Variants in RABGAP1L observed in about 807,000 individuals in gnomAD.
RABGAP1L encodes RAB GTPase activating protein 1 like.
Under a neutral mutation model 137.7 loss-of-function variants are expected in RABGAP1L, and 63 were observed. The observed-to-expected ratio is 0.46, with a 90% CI of 0.37 to 0.56. The LOEUF (loss-of-function observed/expected upper bound fraction) is 0.56, where lower values mean the gene tolerates loss of function less well. Ranked by LOEUF, RABGAP1L falls within the 20% of genes least tolerant of loss-of-function variation. The pLI, the probability that RABGAP1L is intolerant of heterozygous loss-of-function variation, is 0.00. For missense variants in RABGAP1L, 1,095 were observed against 1,244.0 expected (o/e 0.88, Z 1.80); for synonymous variants, 431 against 433.7 (o/e 0.99, Z 0.08).
At chr1:174,534,406 A>G (rs1029844708) in intron 13 of RABGAP1L, among the ~76,000 whole-genome samples, 13 of 152,060 alleles carry the variant, frequency 8.5e-5, no homozygotes, top group Admixed American at 2.6e-4. Context: ...ACATTTTCCT[A>G]TACATATGTA....
intron 13 of RABGAP1L, among the ~76,000 whole-genome samples, chr1:174,595,828 C>T (rs1352052808): frequency 1.1e-5 from 1 of 89,138 alleles, no homozygotes; most frequent in Admixed American, 1.1e-4. Flanking sequence ...GCCCTGCCCC[C>T]AGAGGTGGAG....
chr1:174,886,234 C>T (rs561186093), intron 19 of RABGAP1L, among the ~76,000 whole-genome samples: 22 of 152,078 alleles, frequency 1.4e-4, no homozygotes, highest in African/African-American at 4.8e-4. Context: ...CTGGTCTCGA[C>T]CTCCCGATCT....
chr1:174,943,644 G>T (rs1219686282), intron 19 of RABGAP1L, among the ~76,000 whole-genome samples: 2 of 152,060 alleles, frequency 1.3e-5, no homozygotes, highest in Non-Finnish European at 2.9e-5. Context: ...GACCAGCCTG[G>T]CCAACATGGT....
chr1:174,494,598 C>T (rs1041418555), intron 13 of RABGAP1L, among the ~76,000 whole-genome samples: 1 of 152,072 alleles, frequency 6.6e-6, no homozygotes, highest in African/African-American at 2.4e-5. Flanking sequence ...AATTTATTTT[C>T]TCTGTTTTCA....
intron 3 of RABGAP1L, among the ~76,000 whole-genome samples, chr1:174,226,456 A>G (rs1471054240): frequency 6.6e-6 from 1 of 152,212 alleles, no homozygotes; most frequent in Non-Finnish European, 1.5e-5. Context: ...GAAAGTTTTC[A>G]GGTATAATCT....
intron 13 of RABGAP1L, among the ~76,000 whole-genome samples, chr1:174,436,434 T>C (rs1399691500): frequency 1.5e-4 from 22 of 151,134 alleles, no homozygotes; most frequent in South Asian, 4.2e-4. Flanking sequence ...CATGTGTTTT[T>C]TGGCTGCATA....
chr1:174,344,244 T>C (rs1571311948), intron 11 of RABGAP1L, among the ~76,000 whole-genome samples: 3 of 152,220 alleles, frequency 2.0e-5, no homozygotes, highest in Non-Finnish European at 1.5e-5. Flanking sequence ...GAATGCTCTC[T>C]GTAATGATAA....
chr1:174,200,826 A>C (rs1426577333), intron 1 of RABGAP1L, among the ~76,000 whole-genome samples: 1 of 152,222 alleles, frequency 6.6e-6, no homozygotes, highest in Non-Finnish European at 1.5e-5. Context: ...TTTTGCATTT[A>C]TATAAATAAC....
intron 13 of RABGAP1L, among the ~76,000 whole-genome samples, chr1:174,415,777 G>A: frequency 6.6e-6 from 1 of 151,776 alleles, no homozygotes; most frequent in East Asian, 1.9e-4. Flanking sequence ...TTTAATCGAT[G>A]TTACTGTAGC....
At chr1:174,172,479 A>G (rs779631887) in intron 1 of RABGAP1L, among the ~76,000 whole-genome samples, 3 of 152,138 alleles carry the variant, frequency 2.0e-5, no homozygotes, top group Admixed American at 6.5e-5. Context: ...AACAGTGTAC[A>G]AGGGTTTCCT....
chr1:174,242,461 T>C (rs571277406), intron 5 of RABGAP1L, among the ~76,000 whole-genome samples: 2 of 152,346 alleles, frequency 1.3e-5, no homozygotes, highest in South Asian at 4.1e-4. Flanking sequence ...AAATAAATTA[T>C]CAGCAGAAAA....
intron 5 of RABGAP1L, chr1:174,244,216 A>G (rs192218274): frequency 3.1e-4 from 47 of 152,338 alleles, no homozygotes; most frequent in African/African-American, 1.1e-3. Flanking sequence ...TAGTTCAGGA[A>G]CCAGCTGACA....
chr1:174,733,250 C>T (rs1021581007), intron 17 of RABGAP1L, among the ~76,000 whole-genome samples: 2 of 152,124 alleles, frequency 1.3e-5, no homozygotes, highest in African/African-American at 2.4e-5. Flanking sequence ...ACAGCTGGGA[C>T]CAAGATATGG....
In RABGAP1L at chr1:174,195,574, A is replaced by ATTCTTTCTTTCTTTCTTTCT. The variant is rs201213056; in HGVS notation, c.-33-23525_-33-23506dup. Reference sequence around the variant, plus strand: ...TAACTTTGGGTAGGGTTCTTAATCAATTCTTTCTTTCTTTCTTTCTTTCTT... The same window carrying ATTCTTTCTTTCTTTCTTTCT: ...TAACTTTGGGTAGGGTTCTTAATCAATTCTTTCTTTCTTTCTTTCTTTCTTTCTTTCTTTCTTTCTTTCTT... On this transcript the variant is annotated intron_variant, in intron 1 of 25. Transcript: ENST00000681986. Among the ~76,000 whole-genome samples, 116 of 74,500 alleles carry ATTCTTTCTTTCTTTCTTTCT rather than the reference A, an allele frequency of 1.6e-3. 5 individuals are homozygous for ATTCTTTCTTTCTTTCTTTCT. Among genetic ancestry groups the ATTCTTTCTTTCTTTCTTTCT allele is most frequent in the African/African-American group, 4.5e-3 (59 of 13,050 alleles). 48.9% of individuals were successfully genotyped at this position (74,500 alleles called of 152,430 possible).
intron 1 of RABGAP1L, among the ~76,000 whole-genome samples, chr1:174,181,332 C>CTTTTTTT (rs1201957112): frequency 7.0e-6 from 1 of 142,820 alleles, no homozygotes; most frequent in Admixed American, 7.3e-5. Context: ...AAGGGTCTTT[C>CTTTTTTT]TTTTTTTCTT....
chr1:174,950,208 T>C (rs1667503878), intron 19 of RABGAP1L, among the ~76,000 whole-genome samples: 1 of 152,174 alleles, frequency 6.6e-6, no homozygotes, highest in South Asian at 2.1e-4. Flanking sequence ...GAAATTATGT[T>C]AGAGTTGCAA....
chr1:174,884,021 C>G (rs535100586), intron 19 of RABGAP1L, among the ~76,000 whole-genome samples: 82 of 152,314 alleles, frequency 5.4e-4, no homozygotes, highest in African/African-American at 1.8e-3. Flanking sequence ...ATGACCCATT[C>G]TGGCTTTACC....
intron 1 of RABGAP1L, among the ~76,000 whole-genome samples, chr1:174,195,397 C>T (rs1248540041): frequency 2.0e-5 from 3 of 151,570 alleles, no homozygotes; most frequent in African/African-American, 7.3e-5. Context: ...TTAATTTTTC[C>T]CTATATACTC....
In RABGAP1L at chr1:174,946,936, A is replaced by G. The variant is rs1455705255; in HGVS notation, c.2341-10521A>G. Reference sequence around the variant, plus strand: ...AAAAAAAATATATATATATATATATATATATGTGTGTGTGTGTGTGTGTGT... The same window carrying G: ...AAAAAAAATATATATATATATATATGTATATGTGTGTGTGTGTGTGTGTGT... On this transcript the variant is annotated intron_variant, in intron 19 of 25. Coordinates refer to ENST00000681986, the MANE Select transcript of RABGAP1L (RefSeq NM_001366446.1). Among the ~76,000 whole-genome samples the G allele has an allele frequency of 5.4e-3, 353 of 65,028 alleles. 7 individuals carry two copies. The highest frequency in any genetic ancestry group is 0.027 in the African/African-American group (326 of 12,286). 42.7% of individuals were successfully genotyped at this position (65,028 alleles called of 152,430 possible). A position where few individuals can be genotyped will look rare whatever the true frequency, so the allele number is the denominator to read the frequency against.
Sources: allele counts gnomAD v4.1 joint callset (sites outside exome capture counted in the v4.1 genomes callset), GRCh38; gene constraint gnomAD v4.1.1; transcripts MANE v1.5; gene names NCBI Gene and HGNC (gene_info 2026-07-23, HGNC 2026-07-21).